The following HECW1 variants were observed in gnomAD, a reference collection of about 807,000 sequenced individuals.
HECW1 encodes HECT, C2 and WW domain containing E3 ubiquitin protein ligase 1.
A neutral mutation model predicts 182.3 loss-of-function variants in HECW1; 61 were observed. The observed-to-expected ratio is 0.33, with a 90% CI of 0.27 to 0.41. The LOEUF (loss-of-function observed/expected upper bound fraction) is 0.41, where lower values mean the gene tolerates loss of function less well. Among genes scored for constraint, HECW1 ranks in the 10% least tolerant of loss-of-function variants. HECW1 has a pLI of 1.00. For synonymous variants in HECW1, 859 were observed against 832.6 expected (o/e 1.03, Z -0.55); for missense variants, 1,739 against 2,108.9 (o/e 0.82, Z 3.44).
At chr7:43,124,444 G>T (rs1286435981) in intron 2 of HECW1, among the ~76,000 whole-genome samples, 1 of 152,230 alleles carries the variant, frequency 6.6e-6, no homozygotes, top group African/African-American at 2.4e-5. Context: ...TTCATAGAAT[G>T]CTGTCTGGAT....
chr7:43,298,501 G>A (rs889879574), intron 3 of HECW1, among the ~76,000 whole-genome samples: 2 of 152,180 alleles, frequency 1.3e-5, no homozygotes, highest in Admixed American at 1.3e-4. Context: ...TCCGACTGGG[G>A]ATCATAATTG....
At chr7:43,255,661 A>G (rs770212616) in intron 3 of HECW1, among the ~76,000 whole-genome samples, 19 of 152,254 alleles carry the variant, frequency 1.2e-4, no homozygotes, top group Middle Eastern at 6.8e-3. Context: ...TTATTCATAA[A>G]TATTTGTGAC....
At chr7:43,263,154 T>C (rs1485551185) in intron 3 of HECW1, among the ~76,000 whole-genome samples, 2 of 152,220 alleles carry the variant, frequency 1.3e-5, no homozygotes, top group Non-Finnish European at 2.9e-5. Context: ...GAAAAATTGT[T>C]ATTTTTCTCA....
At chr7:43,391,788 C>T (rs1016793620) in intron 6 of HECW1, among the ~76,000 whole-genome samples, 4 of 152,162 alleles carry the variant, frequency 2.6e-5, no homozygotes, top group African/African-American at 4.8e-5. Context: ...GCTCTGTAAA[C>T]GTGGGTAAGG....
intron 2 of HECW1, among the ~76,000 whole-genome samples, chr7:43,133,969 C>T (rs1787234970): frequency 6.6e-6 from 1 of 152,172 alleles, no homozygotes; most frequent in South Asian, 2.1e-4. Context: ...GAGAGCTGTA[C>T]ATTGTCACAT....
chr7:43,419,550 A>G (rs1175023106), intron 8 of HECW1, among the ~76,000 whole-genome samples: 1 of 152,214 alleles, frequency 6.6e-6, no homozygotes, highest in Non-Finnish European at 1.5e-5. Flanking sequence ...TAGTAAAATA[A>G]TTTAACATAA....
At chr7:43,229,103 G>T (rs1384125354) in intron 2 of HECW1, among the ~76,000 whole-genome samples, 1 of 152,166 alleles carries the variant, frequency 6.6e-6, no homozygotes, top group Non-Finnish European at 1.5e-5. Flanking sequence ...TGTACCTTAA[G>T]GTCAAGAGAC....
At chr7:43,289,797 C>T (rs1032710411) in intron 3 of HECW1, among the ~76,000 whole-genome samples, 1 of 152,186 alleles carries the variant, frequency 6.6e-6, no homozygotes, top group African/African-American at 2.4e-5. Flanking sequence ...ACAGGAGTTA[C>T]AGGAAAGGAC....
intron 16 of HECW1, 46 bp from the exon 17 acceptor site, chr7:43,479,564 C>A: frequency 6.2e-7 from 1 of 1,611,900 alleles, no homozygotes; most frequent in Non-Finnish European, 8.5e-7. Context: ...CCATTTTGGC[C>A]TATTCTCACA....
At chr7:43,425,291 A>G (rs1482804486) in intron 8 of HECW1, among the ~76,000 whole-genome samples, 4 of 138,524 alleles carry the variant, frequency 2.9e-5, no homozygotes, top group African/African-American at 1.1e-4. Flanking sequence ...AGCTAGGTAG[A>G]TAGATAGATA....
chr7:43,507,333 A>T (rs984971925), intron 22 of HECW1, 76 bp downstream of exon 22: 1 of 1,426,482 alleles, frequency 7.0e-7, no homozygotes, highest in African/African-American at 1.4e-5. Flanking sequence ...CCCTTGTAAT[A>T]TTGTTTTTGA....
chr7:43,299,876 C>A (rs1235918425), intron 3 of HECW1, among the ~76,000 whole-genome samples: 1 of 152,196 alleles, frequency 6.6e-6, no homozygotes, highest in Non-Finnish European at 1.5e-5. Context: ...TTGTTCCTTT[C>A]TTTTACCATT....
chr7:43,364,729 G>A (rs1186544857), intron 6 of HECW1, among the ~76,000 whole-genome samples: 3 of 152,188 alleles, frequency 2.0e-5, no homozygotes, highest in Non-Finnish European at 4.4e-5. Flanking sequence ...AAAGAATATA[G>A]GACTTATTGT....
chr7:43,257,320 G>A (rs1800682923), intron 3 of HECW1, among the ~76,000 whole-genome samples: 1 of 151,540 alleles, frequency 6.6e-6, no homozygotes, highest in South Asian at 2.1e-4. Context: ...GTGGCAAGAA[G>A]GGGATTTTGA....
chr7:43,201,043 G>A (rs887752859), intron 2 of HECW1, among the ~76,000 whole-genome samples: 19 of 152,330 alleles, frequency 1.2e-4, no homozygotes, highest in African/African-American at 4.3e-4. Context: ...AAACGTGGGA[G>A]AAGGATATTT....
At chr7:43,386,231 A>T (rs111794081) in intron 6 of HECW1, among the ~76,000 whole-genome samples, 4 of 152,332 alleles carry the variant, frequency 2.6e-5, no homozygotes, top group African/African-American at 9.6e-5. Context: ...TCAGCCCCTT[A>T]TAATGTCCCT....
At chr7:43,295,576 C>T (rs1805942770) in intron 3 of HECW1, among the ~76,000 whole-genome samples, 1 of 152,188 alleles carries the variant, frequency 6.6e-6, no homozygotes, top group Non-Finnish European at 1.5e-5. Flanking sequence ...GAGACTTTCC[C>T]TAGAATGAAG....
At chr7:43,230,163 C>A (rs564016598) in intron 2 of HECW1, among the ~76,000 whole-genome samples, 1 of 152,162 alleles carries the variant, frequency 6.6e-6, no homozygotes, top group Non-Finnish European at 1.5e-5. Flanking sequence ...GAGACCGAGG[C>A]GGGAGGATTG....
chr7:43,444,943 C>T lies in HECW1; in HGVS notation c.1771C>T (p.Leu591Phe). ...GGACGGCGCGGAGGAGGAGTCCACC[C>T]TCAAGGACTCCTCGGAGAAGGATGG... ...EEDGAEEEST[L>F]KDSSEKDGLS... The change falls in exon 11 of 30, where the codon CTC (leucine) becomes TTC (phenylalanine). Residue 591 changes from leucine to phenylalanine, a missense_variant. Transcript: ENST00000395891. The surrounding 1 kb of genome is among the most constrained non-coding windows in gnomAD (Gnocchi z 4.3). 1 of 1,582,444 alleles carries T rather than the reference C, an allele frequency of 6.3e-7. No individual in the cohort carries two copies.
Sources: allele counts gnomAD v4.1 joint callset (sites outside exome capture counted in the v4.1 genomes callset), GRCh38; gene constraint gnomAD v4.1.1; non-coding constraint Gnocchi (gnomAD v3.1); transcripts MANE v1.5; gene names NCBI Gene and HGNC (gene_info 2026-07-23, HGNC 2026-07-21).